MFSD1: variants seen among roughly 807,000 people sequenced by gnomAD.
MFSD1 encodes the protein major facilitator superfamily domain containing 1, also known as lysosomal dipeptide transporter MFSD1.
MFSD1 carries 59 observed loss-of-function variants against 67.1 expected under a neutral mutation model. The observed-to-expected ratio is 0.88, with a 90% CI of 0.71 to 1.09. The LOEUF (loss-of-function observed/expected upper bound fraction) is 1.09. Among genes scored for constraint, MFSD1 ranks in the 50% least tolerant of loss-of-function variants. The probability of loss-of-function intolerance (pLI) is 0.00; values close to 1 mark genes in which losing one functional copy is unlikely to be tolerated. For missense variants in MFSD1, 552 were observed against 566.1 expected, an observed-to-expected ratio of 0.97 and a Z score of 0.25; for synonymous variants, 213 against 200.3, an observed-to-expected ratio of 1.06 and a Z score of -0.54.
At chr3:158,808,533 A>G (rs116503122) in intron 5 of MFSD1, among the ~76,000 whole-genome samples, 1,546 of 152,292 alleles carry the variant, frequency 0.01, 31 homozygotes, top group African/African-American at 0.036. Context: ...CAAAGCATGG[A>G]CCACTTTTCC....
chr3:158,813,340 G>T (rs1275002882), intron 6 of MFSD1, among the ~76,000 whole-genome samples: 6 of 151,906 alleles, frequency 3.9e-5, no homozygotes, highest in African/African-American at 1.2e-4. Flanking sequence ...TAGAGACAGG[G>T]TTTCACCATG....
chr3:158,820,964 A>G lies in MFSD1; in HGVS notation c.864-633A>G, dbSNP rs186095909. 3.7e-3 allele frequency among the ~76,000 whole-genome samples: 568 copies of G among 152,294 alleles called. 6 individuals are homozygous for G. Among genetic ancestry groups the G allele is most frequent in the African/African-American group, 0.013 (550 of 41,554 alleles). ...ATATTGATTTAATAGTTGATTTTAG[A>G]CTAGTATTCTTTTTCATTCCCTCTT... On this transcript the variant is annotated intron_variant, in intron 9 of 15. Transcript: ENST00000415822.
Position 158,802,212 on chromosome 3 carries a change from C to A in MFSD1, c.60C>A (p.Asp20Glu), listed in dbSNP as rs760186838. ...ALLAGGPDEADRGAPAAPGAL... is the reference protein window; with the variant it reads ...ALLAGGPDEAERGAPAAPGAL... ...TGGCAGGCGGCCCTGACGAGGCCGA[C>A]AGAGGTGCCCCGGCCGCCCCTGGAG... Residue 20 changes from aspartate (D) to glutamate (E), a missense_variant, in exon 1 of 16, where the codon GAC (aspartate) becomes GAA (glutamate). Coordinates refer to ENST00000415822, the MANE Select transcript of MFSD1 (RefSeq NM_022736.4). 1 of 1,610,840 alleles carries A rather than the reference C, an allele frequency of 6.2e-7. No homozygotes were observed. The highest frequency in any genetic ancestry group is 8.5e-7 in the Non-Finnish European group (1 of 1,179,038).
intron 10 of MFSD1, 122 bp downstream of exon 10, chr3:158,821,775 C>G: frequency 1.0e-6 from 1 of 986,116 alleles, no homozygotes; most frequent in Admixed American, 2.3e-5. Flanking sequence ...GAAACTGGGA[C>G]TACATTGGGA....
At chr3:158,827,242 A>T in intron 14 of MFSD1, 38 bp from the exon 15 acceptor site, 1 of 1,312,892 alleles carries the variant, frequency 7.6e-7, no homozygotes, top group Non-Finnish European at 1.1e-6. Context: ...TACTGATAAT[A>T]CTTATATGGA....
intron 2 of MFSD1, 35 bp downstream of exon 2, chr3:158,804,406 T>C: frequency 1.3e-6 from 2 of 1,576,592 alleles, no homozygotes; most frequent in Non-Finnish European, 1.7e-6. Context: ...TCTTTTGTTT[T>C]CTTTAGAGCA....
At chr3:158,822,304 A>G (rs1281307685) in intron 11 of MFSD1, 164 bp downstream of exon 11, 1 of 454,552 alleles carries the variant, frequency 2.2e-6, no homozygotes, top group Non-Finnish European at 3.8e-6. Flanking sequence ...TTAAAGTATA[A>G]TTATGAATTA....
chr3:158,824,434 G>T, intron 13 of MFSD1, 198 bp downstream of exon 13: 2 of 511,132 alleles, frequency 3.9e-6, no homozygotes, highest in Non-Finnish European at 6.9e-6. Flanking sequence ...GATTGAGTTG[G>T]TTTCATATTC....
intron 7 of MFSD1, among the ~76,000 whole-genome samples, chr3:158,815,571 T>A (rs989956809): frequency 6.6e-6 from 1 of 151,998 alleles, no homozygotes; most frequent in East Asian, 1.9e-4. Context: ...GGTACCATAA[T>A]TACCAAAATA....
chr3:158,826,252 T>C (rs1451392959), intron 14 of MFSD1, among the ~76,000 whole-genome samples, 190 bp downstream of exon 14: 3 of 152,214 alleles, frequency 2.0e-5, no homozygotes, highest in African/African-American at 4.8e-5. Context: ...TTAAGATTGC[T>C]GTCATTTTTT....
chr3:158,821,364 C>G (rs1444978264), intron 9 of MFSD1, among the ~76,000 whole-genome samples: 1 of 152,122 alleles, frequency 6.6e-6, no homozygotes, highest in Non-Finnish European at 1.5e-5. Flanking sequence ...TGTGTGTATT[C>G]CTTACTGCAT....
At position 158,823,547 on chromosome 3, in the gene MFSD1, C is replaced by T. The variant is rs757733879; in HGVS notation, c.1175+22C>T. On this transcript the variant is annotated intron_variant, in intron 12 of 15. Transcript: ENST00000415822. ...GCTTGTAAGTATTTACGCTGTGGAT[C>T]GTATATGTCTGTCTCTGCTATGTCA... 24 of 1,450,920 alleles carry T rather than the reference C, an allele frequency of 1.7e-5. No homozygotes were observed. In the East Asian group the frequency reaches 3.2e-4, roughly 19 times the overall value. The allele number at this position is 1,450,920 out of a possible 1,614,324, so 89.9% of individuals were successfully genotyped here.
chr3:158,828,852 GA>G lies in MFSD1; in HGVS notation c.1395-119del, dbSNP rs11289683. The G allele has an allele frequency of 4.9e-3, 4,077 of 831,604 alleles. 129 individuals carry two copies. The African/African-American group carries it at 0.064, about 13-fold the overall frequency. The allele number at this position is 831,604 out of a possible 1,614,324, so 51.5% of individuals were successfully genotyped here. ...TCAAGAAGAGTTAAAAAATTGCTCAGAAAAAAAATGTGTAGCTTAGTATTTG... is the reference window on the plus strand; with the variant it reads ...TCAAGAAGAGTTAAAAAATTGCTCAGAAAAAAATGTGTAGCTTAGTATTTG... On this transcript the variant is annotated intron_variant, in intron 15 of 15. Coordinates refer to ENST00000415822, the MANE Select transcript of MFSD1 (RefSeq NM_022736.4).
At position 158,826,068 on chromosome 3, in the gene MFSD1, T is replaced by C. The variant is rs555470419; in HGVS notation, c.1336+6T>C. ...TTTGGTGAATCGTGCCCAGGGTAAG[T>C]AGAAGATCTGATATTTGCTTCTTAA... On this transcript the variant is annotated splice_donor_region_variant and intron_variant, in intron 14 of 15. Coordinates refer to ENST00000415822, the MANE Select transcript of MFSD1 (RefSeq NM_022736.4). The C allele has an allele frequency of 3.4e-5, 55 of 1,612,738 alleles. No homozygotes were observed. The highest frequency in any genetic ancestry group is 1.5e-4 in the Admixed American group (9 of 59,978).
intron 9 of MFSD1, among the ~76,000 whole-genome samples, chr3:158,820,573 GC>G (rs1730620095): frequency 6.6e-6 from 1 of 152,132 alleles, no homozygotes; most frequent in African/African-American, 2.4e-5. Context: ...ATAAAAAACT[GC>G]CCCAGATAGG....
In MFSD1 at chr3:158,824,200, T is replaced by A; in HGVS notation, c.1252T>A (p.Leu418Met). ...AGMILDSRGYLFLEVFFIACV... is the reference protein window; with the variant it reads ...AGMILDSRGYMFLEVFFIACV... ...TATGATACTGGATTCTCGGGGGTAT[T>A]TGTTTTTGGAAGTGTTCTTCATTGC... Residue 418 changes from leucine (L) to methionine (M), a missense_variant, in exon 13 of 16, where the codon TTG (leucine) becomes ATG (methionine). By Grantham distance (15) the Leu-to-Met change is conservative. Coordinates refer to ENST00000415822, the MANE Select transcript of MFSD1 (RefSeq NM_022736.4). 2.5e-6 allele frequency: 4 copies of A among 1,612,940 alleles called. No homozygotes were observed. The highest frequency in any genetic ancestry group is 1.3e-5 in the African/African-American group (1 of 74,858).
Position 158,823,538 on chromosome 3 carries a change from G to A in MFSD1, c.1175+13G>A, listed in dbSNP as rs533777036. The A allele has an allele frequency of 5.6e-5, 85 of 1,528,788 alleles. No homozygotes were observed. The highest frequency in any genetic ancestry group is 3.7e-4 in the Admixed American group (22 of 59,890). The allele number at this position is 1,528,788 out of a possible 1,614,324, so 94.7% of individuals were successfully genotyped here. The stretch of plus-strand genomic sequence containing the variant: ...CTGCATATGGCTTGTAAGTATTTAC[G>A]CTGTGGATCGTATATGTCTGTCTCT... On this transcript the variant is annotated intron_variant, in intron 12 of 15. Coordinates refer to ENST00000415822, the MANE Select transcript of MFSD1 (RefSeq NM_022736.4).
At chr3:158,824,967 A>G (rs772184952) in intron 13 of MFSD1, among the ~76,000 whole-genome samples, 2 of 152,192 alleles carry the variant, frequency 1.3e-5, no homozygotes, top group Non-Finnish European at 2.9e-5. Context: ...AGAAACAAGG[A>G]CGTCAAGTTT....
intron 7 of MFSD1, 48 bp downstream of exon 7, chr3:158,814,115 A>T (rs1470657470): frequency 1.4e-6 from 2 of 1,435,174 alleles, no homozygotes; most frequent in African/African-American, 1.4e-5. Context: ...AAGGCTTGTC[A>T]TAGGAAGTAT....
Sources: allele counts gnomAD v4.1 joint callset (sites outside exome capture counted in the v4.1 genomes callset), GRCh38; gene constraint gnomAD v4.1.1; transcripts MANE v1.5; gene names NCBI Gene and HGNC (gene_info 2026-07-23, HGNC 2026-07-21).